Variants in SLC12A2 observed in about 807,000 individuals in gnomAD.
SLC12A2 encodes the protein solute carrier family 12 member 2.
Under a neutral mutation model 136.3 loss-of-function variants are expected in SLC12A2, and 67 were observed. The observed-to-expected ratio is 0.49, with a 90% CI of 0.40 to 0.60. The LOEUF (loss-of-function observed/expected upper bound fraction) is 0.60. SLC12A2 is among the 20% of genes least tolerant of loss of function. The pLI is 0.00. For synonymous variants in SLC12A2, 619 were observed against 562.9 expected (o/e 1.10, Z -1.41); for missense variants, 1,322 against 1,534.7 (o/e 0.86, Z 2.32).
Position 128,084,146 on chromosome 5 carries a change from C to T in SLC12A2, c.192C>T (p.Ala64=). 7.7e-7 allele frequency: 1 copy of T among 1,294,530 alleles called. No individual in the cohort carries two copies. The highest frequency in any genetic ancestry group is 9.7e-7 in the Non-Finnish European group (1 of 1,027,624). The allele number at this position is 1,294,530 out of a possible 1,614,324, so 80.2% of individuals were successfully genotyped here. ...GGVRDEGPAA[A]GDGLGRPLGP... ...TCCGCGATGAGGGCCCCGCGGCGGC[C>T]GGGGACGGGCTGGGCAGACCCTTGG... The change falls in exon 1 of 27, where the codon GCC becomes GCT. Residue 64 remains alanine, a synonymous_variant. Coordinates refer to ENST00000262461, the MANE Select transcript of SLC12A2 (RefSeq NM_001046.3). This position sits in a 1 kb window ranked among gnomAD's most constrained non-coding sequence, Gnocchi z 5.6.
intron 14 of SLC12A2, among the ~76,000 whole-genome samples, chr5:128,151,700 C>T (rs1037984800): frequency 2.6e-5 from 4 of 151,888 alleles, no homozygotes; most frequent in Non-Finnish European, 4.4e-5. Flanking sequence ...TTGCTGCACT[C>T]GGTATATTTT....
chr5:128,151,254 A>G lies in SLC12A2; in HGVS notation c.2121A>G (p.Ala707=). The change falls in exon 14 of 27, where the codon GCA becomes GCG. Residue 707 remains alanine (A), a synonymous_variant. Transcript: ENST00000262461. ...SLAKSPGWRP[A]FKYYNMWISL... ...TGTTATTGTTAGGATGGCGTCCTGC[A>G]TTCAAATACTACAACATGTGGATAT... The G allele has an allele frequency of 1.2e-6, 2 of 1,604,696 alleles. No homozygotes were observed. The highest frequency in any genetic ancestry group is 1.1e-5 in the South Asian group (1 of 88,780).
chr5:128,137,106 T>A (rs1762213020), intron 7 of SLC12A2, among the ~76,000 whole-genome samples: 1 of 152,222 alleles, frequency 6.6e-6, no homozygotes, highest in African/African-American at 2.4e-5. Context: ...TTTCAGTCCA[T>A]TGTCCACACA....
chr5:128,099,202 C>T (rs1760655222), intron 1 of SLC12A2, among the ~76,000 whole-genome samples: 1 of 152,142 alleles, frequency 6.6e-6, no homozygotes, highest in African/African-American at 2.4e-5. Context: ...GCATATTCCA[C>T]TACACACCTA....
chr5:128,162,536 C>A (rs1324522975), intron 17 of SLC12A2, among the ~76,000 whole-genome samples: 1 of 151,998 alleles, frequency 6.6e-6, no homozygotes, highest in Non-Finnish European at 1.5e-5. Context: ...AAGAATGAGG[C>A]ACCAAAAGTT....
chr5:128,176,104 A>G (rs564638285), intron 20 of SLC12A2, among the ~76,000 whole-genome samples: 2 of 152,074 alleles, frequency 1.3e-5, no homozygotes, highest in South Asian at 4.1e-4. Context: ...AATCCACAGT[A>G]TTTAGCTGTG....
intron 14 of SLC12A2, among the ~76,000 whole-genome samples, chr5:128,152,393 C>A (rs945807895): frequency 6.6e-6 from 1 of 152,120 alleles, no homozygotes; most frequent in Non-Finnish European, 1.5e-5. Context: ...TCCATTTAGA[C>A]CTTTGGCTAT....
rs781382457 is a variant in SLC12A2 at position 128,135,717 on chromosome 5, G to A, written c.1317G>A (p.Leu439=). 6.2e-7 allele frequency: 1 copy of A among 1,608,688 alleles called. No individual in the cohort carries two copies. The highest frequency in any genetic ancestry group is 8.5e-7 in the Non-Finnish European group (1 of 1,175,784). The part of the protein sequence containing the change: ...EWEAKAQIVL[L]VILLLAIGDF... ...AATTGCAGGCTCAGATTGTTCTTTT[G>A]GTGATCCTACTTCTTGCTATTGGTG... is the stretch of plus-strand genomic sequence containing the variant. The change falls in exon 7 of 27, where the codon TTG becomes TTA. Residue 439 remains leucine (L), a synonymous_variant. Transcript: ENST00000262461.
rs1475297724 is a variant in SLC12A2, at chr5:128,110,008, T to C, written c.757-2806T>C. ...TTCCCTACTGTGGATCCAGAAAAGA[T>C]TGCAGTAGAAATCCCAAAAAGACTT... is the stretch of plus-strand genomic sequence containing the variant. On this transcript the variant is annotated intron_variant, in intron 1 of 26. Coordinates refer to ENST00000262461, the MANE Select transcript of SLC12A2 (RefSeq NM_001046.3). The C allele has an allele frequency of 5.6e-6, 6 of 1,066,982 alleles. No homozygotes were observed. In the African/African-American group the frequency reaches 9.2e-5, roughly 16 times the overall value. 66.1% of individuals were successfully genotyped at this position (1,066,982 alleles called of 1,614,324 possible). A position where few individuals can be genotyped will look rare whatever the true frequency, so the allele number is the denominator to read the frequency against.
intron 26 of SLC12A2, 111 bp downstream of exon 26, chr5:128,184,967 T>C: frequency 1.0e-6 from 1 of 968,066 alleles, no homozygotes; most frequent in East Asian, 2.5e-5. Flanking sequence ...TTAGTGGTTA[T>C]AAGGAGGAAA....
At chr5:128,176,388 A>G (rs1763542878) in intron 20 of SLC12A2, among the ~76,000 whole-genome samples, 1 of 151,990 alleles carries the variant, frequency 6.6e-6, no homozygotes, top group African/African-American at 2.4e-5. Flanking sequence ...CTCTTTCCTA[A>G]GTCCAGAGTT....
At position 128,112,949 on chromosome 5, in the gene SLC12A2, CTT is replaced by C. The variant is rs556046317; in HGVS notation, c.876+17_876+18del. On this transcript the variant is annotated intron_variant, in intron 2 of 26. Coordinates refer to ENST00000262461, the MANE Select transcript of SLC12A2 (RefSeq NM_001046.3). ...GGGTGTATTAGTATGTATATATAGACTTAATTTTATAGTTACAGCATATCTGT... is the reference window on the plus strand; with the variant it reads ...GGGTGTATTAGTATGTATATATAGACAATTTTATAGTTACAGCATATCTGT... The C allele has an allele frequency of 1.6e-4, 257 of 1,563,958 alleles. 1 individual carries two copies. The African/African-American group carries it at 3.3e-3, about 20-fold the overall frequency.
intron 18 of SLC12A2, chr5:128,170,430 C>T (rs1312934537): frequency 6.6e-6 from 1 of 152,072 alleles, no homozygotes; most frequent in Non-Finnish European, 1.5e-5. Context: ...AACAAAAGAC[C>T]TTTTATAACC....
At chr5:128,121,641 A>G (rs1024097192) in intron 4 of SLC12A2, among the ~76,000 whole-genome samples, 1 of 152,086 alleles carries the variant, frequency 6.6e-6, no homozygotes, top group Non-Finnish European at 1.5e-5. Flanking sequence ...TACTATTTAA[A>G]GTTACTGGAA....
At chr5:128,142,009 C>T (rs1236529734) in intron 10 of SLC12A2, 28 bp downstream of exon 10, 1 of 1,588,680 alleles carries the variant, frequency 6.3e-7, no homozygotes, top group Non-Finnish European at 8.6e-7. Flanking sequence ...AATATACAGA[C>T]ATTCTGTATT....
At chr5:128,138,072 G>C (rs564200380) in intron 7 of SLC12A2, among the ~76,000 whole-genome samples, 2 of 151,774 alleles carry the variant, frequency 1.3e-5, no homozygotes, top group Non-Finnish European at 2.9e-5. Flanking sequence ...CAAGTAGCTG[G>C]GACCACAGGC....
rs558891153 is a variant in SLC12A2 at position 128,100,515 on chromosome 5, C to G, written c.757-12299C>G. Among the ~76,000 whole-genome samples the G allele has an allele frequency of 3.9e-5, 6 of 152,250 alleles. 1 individual carries two copies. In the South Asian group the frequency reaches 1.2e-3, roughly 32 times the overall value. On this transcript the variant is annotated intron_variant, in intron 1 of 26. Coordinates refer to ENST00000262461, the MANE Select transcript of SLC12A2 (RefSeq NM_001046.3). The stretch of plus-strand genomic sequence containing the variant: ...CTGAAAATATCTGAAATATGAAACA[C>G]TTCTGGTCCCATGCATTTTGGACAA...
intron 4 of SLC12A2, among the ~76,000 whole-genome samples, chr5:128,118,525 T>G (rs964204716): frequency 4.0e-5 from 6 of 151,584 alleles, no homozygotes; most frequent in Middle Eastern, 3.2e-3. Context: ...GCTATCAGGA[T>G]GCAAAGGCAT....
chr5:128,108,306 G>A (rs1561661154), intron 1 of SLC12A2, among the ~76,000 whole-genome samples: 2 of 152,122 alleles, frequency 1.3e-5, no homozygotes, highest in Non-Finnish European at 2.9e-5. Context: ...ACTCATAGGT[G>A]TATCCTCAAG....
Sources: gnomAD v4.1 joint callset for allele counts (sites outside exome capture counted in the v4.1 genomes callset) on GRCh38, gnomAD v4.1.1 for gene constraint, Gnocchi (gnomAD v3.1) non-coding constraint, MANE v1.5 for transcripts, NCBI Gene and HGNC (gene_info 2026-07-23, HGNC 2026-07-21) for gene names.